Variants in ABCC4 observed in about 807,000 individuals in gnomAD.
The protein encoded by ABCC4 is ATP-binding cassette sub-family C member 4.
Under a neutral mutation model 168.5 loss-of-function variants are expected in ABCC4, and 102 were observed. The observed-to-expected ratio is 0.61, with a 90% CI of 0.52 to 0.71. The LOEUF (loss-of-function observed/expected upper bound fraction) is 0.71. ABCC4 is among the 30% of genes least tolerant of loss of function. ABCC4 has a pLI of 0.00. For synonymous variants in ABCC4, 617 were observed against 590.7 expected (o/e 1.04, Z -0.65); for missense variants, 1,402 against 1,605.8 (o/e 0.87, Z 2.17).
At chr13:95,082,138 C>T (rs924051599) in intron 21 of ABCC4, among the ~76,000 whole-genome samples, 2 of 152,198 alleles carry the variant, frequency 1.3e-5, no homozygotes, top group African/African-American at 2.4e-5. Context: ...CAATGCTTCT[C>T]TTCTAGGCGT....
At chr13:95,031,324 A>G (rs1031063011) in intron 30 of ABCC4, among the ~76,000 whole-genome samples, 2 of 152,178 alleles carry the variant, frequency 1.3e-5, no homozygotes, top group Non-Finnish European at 2.9e-5. Flanking sequence ...CACTGTGTGA[A>G]TTTGGGCGAC....
intron 21 of ABCC4, among the ~76,000 whole-genome samples, chr13:95,081,929 G>T (rs979494333): frequency 6.6e-6 from 1 of 152,184 alleles, no homozygotes; most frequent in African/African-American, 2.4e-5. Flanking sequence ...GAACCCAGGA[G>T]GTGGAGGCTG....
At chr13:95,139,576 G>A (rs1324172587) in intron 19 of ABCC4, among the ~76,000 whole-genome samples, 5 of 152,164 alleles carry the variant, frequency 3.3e-5, no homozygotes, top group Non-Finnish European at 1.5e-5. Context: ...GAAATAGCAC[G>A]CATATGTATA....
chr13:95,226,987 C>T (rs2039484078), intron 4 of ABCC4, among the ~76,000 whole-genome samples: 2 of 152,184 alleles, frequency 1.3e-5, no homozygotes, highest in African/African-American at 4.8e-5. Context: ...TTCCCTAAAG[C>T]AATTAAATCA....
chr13:95,232,158 A>AG (rs1566551495), intron 4 of ABCC4, among the ~76,000 whole-genome samples: 73 of 150,180 alleles, frequency 4.9e-4, no homozygotes, highest in African/African-American at 7.9e-4. Flanking sequence ...GGTGGTGGTG[A>AG]TGATGATGAA....
intron 1 of ABCC4, 152 bp from the exon 2 acceptor site, chr13:95,247,905 A>G: frequency 7.7e-6 from 2 of 258,074 alleles, no homozygotes; most frequent in Non-Finnish European, 1.4e-5. Flanking sequence ...TAGAGAGAGA[A>G]AAGTTAACAT....
chr13:95,064,790 C>G lies in ABCC4; in HGVS notation c.3211-1931G>C, dbSNP rs537977064. On this transcript the variant is annotated intron_variant, in intron 25 of 30. Transcript: ENST00000645237. The stretch of plus-strand genomic sequence containing the variant: ...GAGGATATAATCAGCAAAAGGCAAC[C>G]AAAGAAAACCTGGCTCTGGTTAGTT... Among the ~76,000 whole-genome samples the G allele has an allele frequency of 3.9e-5, 6 of 152,142 alleles. No individual in the cohort carries two copies. The South Asian group carries it at 1.2e-3, about 32-fold the overall frequency.
intron 20 of ABCC4, among the ~76,000 whole-genome samples, chr13:95,086,649 T>G (rs2034266582): frequency 6.6e-6 from 1 of 152,234 alleles, no homozygotes; most frequent in South Asian, 2.1e-4. Flanking sequence ...TTCCTGCTAG[T>G]CTTTGTGAAG....
intron 19 of ABCC4, among the ~76,000 whole-genome samples, chr13:95,136,881 T>A (rs1035345340): frequency 1.3e-5 from 2 of 152,196 alleles, no homozygotes; most frequent in African/African-American, 4.8e-5. Context: ...TGTGCTGCTA[T>A]CTCAAAAAGG....
chr13:95,229,968 T>G (rs2039573509), intron 4 of ABCC4, among the ~76,000 whole-genome samples: 1 of 152,210 alleles, frequency 6.6e-6, no homozygotes, highest in Non-Finnish European at 1.5e-5. Context: ...ATCCCCTGCT[T>G]CTGTGTCCCA....
chr13:95,040,966 A>T (rs2032331664), intron 29 of ABCC4, among the ~76,000 whole-genome samples: 1 of 152,218 alleles, frequency 6.6e-6, no homozygotes, highest in African/African-American at 2.4e-5. Context: ...TCACACTACC[A>T]GGGAGAATCC....
chr13:95,128,951 G>A (rs527769667), intron 19 of ABCC4, among the ~76,000 whole-genome samples: 2 of 152,056 alleles, frequency 1.3e-5, no homozygotes, highest in African/African-American at 2.4e-5. Flanking sequence ...AAAGAATCAA[G>A]GAAAACGGCC....
At chr13:95,132,665 T>C (rs2036009678) in intron 19 of ABCC4, among the ~76,000 whole-genome samples, 1 of 152,214 alleles carries the variant, frequency 6.6e-6, no homozygotes, top group South Asian at 2.1e-4. Context: ...TCTCAGTTGG[T>C]TGAATCTGAG....
intron 19 of ABCC4, among the ~76,000 whole-genome samples, chr13:95,137,536 C>T (rs2139469138): frequency 6.6e-6 from 1 of 152,118 alleles, no homozygotes; most frequent in Middle Eastern, 3.4e-3. Context: ...ATCGTTAACT[C>T]CCATATTTTA....
intron 1 of ABCC4, among the ~76,000 whole-genome samples, chr13:95,257,398 C>G (rs2040418257): frequency 6.6e-6 from 1 of 152,072 alleles, no homozygotes; most frequent in Non-Finnish European, 1.5e-5. Flanking sequence ...AGGCCGGGCG[C>G]AGCACACGCC....
chr13:95,140,539 G>T (rs1775198538), intron 19 of ABCC4, among the ~76,000 whole-genome samples: 2 of 152,034 alleles, frequency 1.3e-5, no homozygotes. Flanking sequence ...AAAAATCTGG[G>T]AACTAAGAAG....
chr13:95,224,321 C>CAG (rs2039395413), intron 4 of ABCC4, among the ~76,000 whole-genome samples: 1 of 151,904 alleles, frequency 6.6e-6, no homozygotes, highest in Non-Finnish European at 1.5e-5. Context: ...GGGAGAGGGG[C>CAG]AGACACCACC....
At chr13:95,104,151 C>A (rs188583897) in intron 20 of ABCC4, among the ~76,000 whole-genome samples, 13 of 152,294 alleles carry the variant, frequency 8.5e-5, no homozygotes, top group East Asian at 7.7e-4. Context: ...TGGAGTCTCT[C>A]TCTGCTGCCC....
chr13:95,197,249 T>C (rs1035568809), intron 8 of ABCC4, among the ~76,000 whole-genome samples: 11 of 152,208 alleles, frequency 7.2e-5, no homozygotes, highest in Non-Finnish European at 1.5e-4. Context: ...AACAATCAGC[T>C]ATGTCAGTTA....
Sources: allele counts gnomAD v4.1 joint callset (sites outside exome capture counted in the v4.1 genomes callset), GRCh38; gene constraint gnomAD v4.1.1; transcripts MANE v1.5; gene names NCBI Gene and HGNC (gene_info 2026-07-23, HGNC 2026-07-21).